The following IL24 variants were observed in gnomAD, a reference collection of about 807,000 sequenced individuals.
IL24 encodes interleukin-24.
A neutral mutation model predicts 27.6 loss-of-function variants in IL24; 24 were observed. The observed-to-expected ratio is 0.87, with a 90% CI of 0.63 to 1.22. The LOEUF is 1.22. Among genes scored for constraint, IL24 ranks in the 50% most tolerant of loss-of-function variants. IL24 has a pLI of 0.00. For synonymous variants in IL24, 99 were observed against 93.1 expected (o/e 1.06, Z -0.36); for missense variants, 240 against 237.0 (o/e 1.01, Z -0.08).
rs1678509378 is a variant in IL24, at chr1:206,904,011, T to C, written c.*952T>C. 1 of 152,368 alleles carries C rather than the reference T, an allele frequency of 6.6e-6. No homozygotes were observed. Among genetic ancestry groups the C allele is most frequent in the Admixed American group, 6.5e-5 (1 of 15,280 alleles). 9.4% of individuals were successfully genotyped at this position (152,368 alleles called of 1,614,324 possible). ...TTTGTGGTCGACATCAATCTAAAGATACAGTGTCTGACTATAACCTTGTTC... is the reference window on the plus strand; with the variant it reads ...TTTGTGGTCGACATCAATCTAAAGACACAGTGTCTGACTATAACCTTGTTC... On this transcript the variant is annotated 3_prime_UTR_variant, in exon 7 of 7. Transcript: ENST00000294984.
In IL24 at chr1:206,903,143, C is replaced by T. The variant is rs1678465733; in HGVS notation, c.*84C>T. 5.1e-6 allele frequency: 6 copies of T among 1,171,056 alleles called. No homozygotes were observed. In the Admixed American group the frequency reaches 6.8e-5, roughly 13 times the overall value. The allele number at this position is 1,171,056 out of a possible 1,614,324, so 72.5% of individuals were successfully genotyped here. A position where few individuals can be genotyped will look rare whatever the true frequency, so the allele number is the denominator to read the frequency against. On this transcript the variant is annotated 3_prime_UTR_variant, in exon 7 of 7. Coordinates refer to ENST00000294984, the MANE Select transcript of IL24 (RefSeq NM_006850.3). ...ACAGTCTCCCTTCCTATGCTGTTCA[C>T]TGGACACTTCACGCCCTTGGCCATG... is the stretch of plus-strand genomic sequence containing the variant.
chr1:206,898,535 G>T (rs1678246889), intron 2 of IL24, among the ~76,000 whole-genome samples: 2 of 152,084 alleles, frequency 1.3e-5, no homozygotes, highest in African/African-American at 4.8e-5. Context: ...AAGAAGGCAG[G>T]GGGAAAGAAA....
chr1:206,898,555 T>A (rs1678248701), intron 2 of IL24, among the ~76,000 whole-genome samples: 1 of 152,044 alleles, frequency 6.6e-6, no homozygotes, highest in African/African-American at 2.4e-5. Flanking sequence ...ATTCTCTGCA[T>A]CAGTTATAAT....
At chr1:206,901,710 C>A in intron 5 of IL24, 58 bp downstream of exon 5, 1 of 1,464,468 alleles carries the variant, frequency 6.8e-7, no homozygotes, top group Non-Finnish European at 9.5e-7. Flanking sequence ...GGTCTGCTTC[C>A]AATCTGCTGG....
intron 2 of IL24, among the ~76,000 whole-genome samples, chr1:206,898,281 G>A (rs958847201): frequency 3.3e-5 from 5 of 151,682 alleles, no homozygotes; most frequent in African/African-American, 7.3e-5. Context: ...AGGGGTCGCC[G>A]CCTCCCTAGC....
Position 206,902,961 on chromosome 1 carries a change from CT to C in IL24, c.538-14del. 6.2e-7 allele frequency: 1 copy of C among 1,614,148 alleles called. No homozygotes were observed. The highest frequency in any genetic ancestry group is 1.1e-5 in the South Asian group (1 of 91,074). On this transcript the variant is annotated splice_polypyrimidine_tract_variant and intron_variant, in intron 6 of 6. Coordinates refer to ENST00000294984, the MANE Select transcript of IL24 (RefSeq NM_006850.3). ...TAGCTAACATGGCTGACCTTCAACC[CT>C]CTTTTCCCTTTAGTTGGACGTAGAA...
At chr1:206,899,978 TC>T (rs1227263718) in intron 3 of IL24, among the ~76,000 whole-genome samples, 3 of 152,146 alleles carry the variant, frequency 2.0e-5, no homozygotes, top group African/African-American at 4.8e-5. Context: ...GCTTATTTCC[TC>T]CCATCTCAAA....
At chr1:206,902,811 T>G (rs116017349) in intron 6 of IL24, 165 bp from the exon 7 acceptor site, 10,534 of 985,342 alleles carry the variant, frequency 0.011, 70 homozygotes, top group Non-Finnish European at 0.012. Flanking sequence ...GATAAACACA[T>G]GTAGATGGAG....
intron 4 of IL24, 124 bp from the exon 5 acceptor site, chr1:206,901,370 T>C (rs1049458551): frequency 3.6e-6 from 4 of 1,111,088 alleles, no homozygotes; most frequent in Non-Finnish European, 5.0e-6. Context: ...AGGTTCATCA[T>C]CACCTTCTAG....
At chr1:206,900,230 A>T in intron 3 of IL24, 65 bp from the exon 4 acceptor site, 3 of 1,417,104 alleles carry the variant, frequency 2.1e-6, no homozygotes, top group Non-Finnish European at 3.0e-6. Flanking sequence ...AGCAGCACAT[A>T]TTTGCAGAGT....
rs746696324 is a variant in IL24, at chr1:206,901,655, G to C, written c.462+3G>C. On this transcript the variant is annotated splice_donor_region_variant and intron_variant, in intron 5 of 6. Coordinates refer to ENST00000294984, the MANE Select transcript of IL24 (RefSeq NM_006850.3). ...TCGTGTCACAACTGCAACCCAGTGT[G>C]AGTAGCACACGCTCTGGATACTGGC... 8 of 1,612,670 alleles carry C rather than the reference G, an allele frequency of 5.0e-6. No homozygotes were observed. The Admixed American group carries it at 1.3e-4, about 27-fold the overall frequency.
In IL24 at chr1:206,899,432, G is replaced by A. The variant is rs759097167; in HGVS notation, c.157G>A (p.Glu53Lys). 6.2e-7 allele frequency: 1 copy of A among 1,614,082 alleles called. No homozygotes were observed. The highest frequency in any genetic ancestry group is 8.5e-7 in the Non-Finnish European group (1 of 1,180,032). The change falls in exon 3 of 7, where the codon GAA (glutamate) becomes AAA (lysine). Residue 53 changes from glutamate to lysine, a missense_variant. Transcript: ENST00000294984. ...CCAGGTATCAGGGGCCCAGGGCCAA[G>A]AATTCCACTTTGGGCCCTGCCAAGT... ...WSQVSGAQGQEFHFGPCQVKG... is the reference protein window; with the variant it reads ...WSQVSGAQGQKFHFGPCQVKG...
intron 2 of IL24, among the ~76,000 whole-genome samples, 198 bp from the exon 3 acceptor site, chr1:206,899,122 C>A (rs988780108): frequency 6.6e-6 from 1 of 152,156 alleles, no homozygotes; most frequent in Non-Finnish European, 1.5e-5. Flanking sequence ...AGACGAGCGG[C>A]CTTAAGTTTG....
Position 206,899,343 on chromosome 1 carries a change from C to T in IL24, c.68C>T (p.Ala23Val), listed in dbSNP as rs554683447. ...LARPFCPPLL[A>V]TASQMQMVVL... ...AGACCCTTCTGCCCTCCTTTGCTGG[C>T]GACAGCCTCTCAAATGCAGATGGTT... Residue 23 changes from alanine (A) to valine (V), a missense_variant, in exon 3 of 7, where the codon GCG becomes GTG. Ala to Val is a moderately conservative substitution (Grantham distance 64). Coordinates refer to ENST00000294984, the MANE Select transcript of IL24 (RefSeq NM_006850.3). 4.3e-5 allele frequency: 69 copies of T among 1,613,924 alleles called. No individual in the cohort carries two copies. The East Asian group carries it at 5.1e-4, about 12-fold the overall frequency.
chr1:206,903,167 T>C lies in IL24; in HGVS notation c.*108T>C. On this transcript the variant is annotated 3_prime_UTR_variant, in exon 7 of 7. Coordinates refer to ENST00000294984, the MANE Select transcript of IL24 (RefSeq NM_006850.3). ...ACTGGACACTTCACGCCCTTGGCCATGGGTCCCATTCTTGGCCCAGGATTA... is the reference window on the plus strand; with the variant it reads ...ACTGGACACTTCACGCCCTTGGCCACGGGTCCCATTCTTGGCCCAGGATTA... 1.1e-6 allele frequency: 1 copy of C among 927,818 alleles called. No homozygotes were observed. Among genetic ancestry groups the C allele is most frequent in the Admixed American group, 1.9e-5 (1 of 53,966 alleles). 57.5% of individuals were successfully genotyped at this position (927,818 alleles called of 1,614,324 possible). A position where few individuals can be genotyped will look rare whatever the true frequency, so the allele number is the denominator to read the frequency against.
chr1:206,901,516 T>A lies in IL24; in HGVS notation c.326T>A (p.Val109Asp). ...NVSDAESCYLVHTLLEFYLKT... is the reference protein window; with the variant it reads ...NVSDAESCYLDHTLLEFYLKT... ...CAGGATGCTGAGAGCTGTTACCTTG[T>A]CCACACCCTGCTGGAGTTCTACTTG... Residue 109 changes from valine to aspartate, a missense_variant, in exon 5 of 7, where the codon GTC (valine) becomes GAC (aspartate). Coordinates refer to ENST00000294984, the MANE Select transcript of IL24 (RefSeq NM_006850.3). The A allele has an allele frequency of 6.2e-7, 1 of 1,613,620 alleles. No homozygotes were observed. Among genetic ancestry groups the A allele is most frequent in the Non-Finnish European group, 8.5e-7 (1 of 1,179,674 alleles).
intron 4 of IL24, 54 bp from the exon 5 acceptor site, chr1:206,901,440 G>A: frequency 6.4e-7 from 1 of 1,554,696 alleles, no homozygotes; most frequent in Non-Finnish European, 8.7e-7. Context: ...TGTTCCTTCA[G>A]GGGGTCAGGG....
Position 206,897,634 on chromosome 1 carries a change from T to G in IL24, c.-103+19T>G. On this transcript the variant is annotated intron_variant, in intron 1 of 6. Coordinates refer to ENST00000294984, the MANE Select transcript of IL24 (RefSeq NM_006850.3). The stretch of plus-strand genomic sequence containing the variant: ...ACCAGAGGTGAGCATGGGGGATTCT[T>G]GGTTACTTTTTTTTGAAGGACTAGA... 2.2e-6 allele frequency: 1 copy of G among 461,712 alleles called. No homozygotes were observed. The highest frequency in any genetic ancestry group is 3.9e-6 in the Non-Finnish European group (1 of 257,448). 28.6% of individuals were successfully genotyped at this position (461,712 alleles called of 1,614,324 possible). A position where few individuals can be genotyped will look rare whatever the true frequency, so the allele number is the denominator to read the frequency against.
At chr1:206,902,298 C>A (rs902273557) in intron 6 of IL24, 5 of 985,214 alleles carry the variant, frequency 5.1e-6, no homozygotes, top group Admixed American at 1.2e-4. Flanking sequence ...CTATATTTCC[C>A]TACAAGATGA....
Sources: allele counts gnomAD v4.1 joint callset (sites outside exome capture counted in the v4.1 genomes callset), GRCh38; gene constraint gnomAD v4.1.1; transcripts MANE v1.5; gene names NCBI Gene and HGNC (gene_info 2026-07-23, HGNC 2026-07-21).